THSD4: variants seen among roughly 807,000 people sequenced by gnomAD.
THSD4 encodes thrombospondin type 1 domain containing 4.
Under a neutral mutation model 119.0 loss-of-function variants are expected in THSD4, and 69 were observed. That is an observed-to-expected ratio of 0.58 (90% CI 0.48 to 0.71). The LOEUF is 0.71. THSD4 is among the 30% of genes least tolerant of loss of function. THSD4 has a pLI of 0.00. For missense variants in THSD4, 1,393 were observed against 1,391.1 expected (o/e 1.00, Z -0.02); for synonymous variants, 524 against 540.4 (o/e 0.97, Z 0.42).
At position 71,378,403 on chromosome 15, in the gene THSD4, G is replaced by A. The variant is rs532679839; in HGVS notation, c.1016-33284G>A. Among the ~76,000 whole-genome samples, 3 of 152,290 alleles carry A rather than the reference G, an allele frequency of 2.0e-5. No homozygotes were observed. The South Asian group carries it at 6.2e-4, about 32-fold the overall frequency. Reference sequence around the variant, plus strand: ...ATGGCTAGCCAGCTTCTTTCCAGGTGTGGACCATCAGAATGGGCACTGGTT... The same window carrying A: ...ATGGCTAGCCAGCTTCTTTCCAGGTATGGACCATCAGAATGGGCACTGGTT... On this transcript the variant is annotated intron_variant, in intron 6 of 17. Coordinates refer to ENST00000261862, the MANE Select transcript of THSD4 (RefSeq NM_024817.3).
At chr15:71,261,554 T>C (rs2044400017) in intron 6 of THSD4, among the ~76,000 whole-genome samples, 1 of 152,186 alleles carries the variant, frequency 6.6e-6, no homozygotes, top group African/African-American at 2.4e-5. Context: ...ATGGTCTTGT[T>C]TGGATCCTGT....
chr15:71,512,205 G>A (rs2048293457), intron 7 of THSD4, among the ~76,000 whole-genome samples: 1 of 152,186 alleles, frequency 6.6e-6, no homozygotes, highest in African/African-American at 2.4e-5. Context: ...GGCCTGGGCA[G>A]CAACTTCCAA....
chr15:71,533,723 C>CA (rs1329781098), intron 7 of THSD4, among the ~76,000 whole-genome samples: 1 of 152,122 alleles, frequency 6.6e-6, no homozygotes, highest in African/African-American at 2.4e-5. Context: ...AATTTAATCA[C>CA]AAGGGTCCTT....
At chr15:71,496,167 T>A (rs867036029) in intron 7 of THSD4, among the ~76,000 whole-genome samples, 9 of 152,240 alleles carry the variant, frequency 5.9e-5, no homozygotes, top group South Asian at 2.1e-4. Context: ...TGAACTGAGA[T>A]AATTTAAGGA....
intron 7 of THSD4, among the ~76,000 whole-genome samples, chr15:71,571,165 A>G (rs776998935): frequency 1.3e-5 from 2 of 151,910 alleles, no homozygotes; most frequent in Non-Finnish European, 2.9e-5. Context: ...AGGGATTCAA[A>G]GTGGAAAGCA....
At chr15:71,272,002 C>T in intron 6 of THSD4, among the ~76,000 whole-genome samples, 1 of 152,070 alleles carries the variant, frequency 6.6e-6, no homozygotes, top group East Asian at 1.9e-4. Flanking sequence ...AAAAGACAAC[C>T]CACAGATTGG....
At chr15:71,214,211 C>G (rs1451036702) in intron 3 of THSD4, among the ~76,000 whole-genome samples, 1 of 146,902 alleles carries the variant, frequency 6.8e-6, no homozygotes, top group Non-Finnish European at 1.5e-5. Flanking sequence ...AGGATGTGGG[C>G]GGGGACAAAT....
Position 71,771,118 on chromosome 15 carries a change from G to A in THSD4, c.2824G>A (p.Asp942Asn). Residue 942 changes from aspartate (D) to asparagine (N), a missense_variant, in exon 17 of 18, where the codon GAT becomes AAT. Transcript: ENST00000261862. ...FRVREVRCLS[D>N]DMTLSNLCDP... ...GGTCCGGGAAGTGCGGTGTCTGTCT[G>A]ATGACATGACTCTAAGTAACCTCTG... 1 of 1,614,192 alleles carries A rather than the reference G, an allele frequency of 6.2e-7. No individual in the cohort carries two copies. Among genetic ancestry groups the A allele is most frequent in the Non-Finnish European group, 8.5e-7 (1 of 1,180,032 alleles).
chr15:71,131,456 C>G (rs993535606), intron 1 of THSD4, among the ~76,000 whole-genome samples: 2 of 147,842 alleles, frequency 1.4e-5, no homozygotes, highest in Non-Finnish European at 3.0e-5. Flanking sequence ...TCTCACAGAG[C>G]GAGACTCCAT....
chr15:71,482,963 T>C (rs2047756493), intron 7 of THSD4, among the ~76,000 whole-genome samples: 2 of 152,044 alleles, frequency 1.3e-5, no homozygotes, highest in African/African-American at 4.8e-5. Flanking sequence ...TCAACTTATA[T>C]CTCATTGGCC....
chr15:71,252,424 T>C (rs1205381557), intron 5 of THSD4, among the ~76,000 whole-genome samples: 1 of 152,244 alleles, frequency 6.6e-6, no homozygotes, highest in African/African-American at 2.4e-5. Flanking sequence ...AAAAGAGACA[T>C]GAAACAGGAT....
intron 7 of THSD4, among the ~76,000 whole-genome samples, chr15:71,658,084 A>T (rs778691735): frequency 9.2e-5 from 14 of 152,080 alleles, no homozygotes; most frequent in Admixed American, 5.2e-4. Flanking sequence ...TGGACGGTTC[A>T]TTGTCTCCAC....
intron 3 of THSD4, among the ~76,000 whole-genome samples, chr15:71,181,734 G>T (rs2043531029): frequency 6.6e-6 from 1 of 152,156 alleles, no homozygotes; most frequent in Non-Finnish European, 1.5e-5. Flanking sequence ...TCCTGTGGAG[G>T]AGTCTTGGTC....
chr15:71,275,199 C>G (rs1478484983), intron 6 of THSD4, among the ~76,000 whole-genome samples: 1 of 151,930 alleles, frequency 6.6e-6, no homozygotes, highest in Non-Finnish European at 1.5e-5. Context: ...CACAGCCCAC[C>G]AAGCTGAGAG....
chr15:71,548,966 AG>A (rs1374726733), intron 7 of THSD4, among the ~76,000 whole-genome samples: 4 of 152,234 alleles, frequency 2.6e-5, no homozygotes, highest in Admixed American at 2.0e-4. Flanking sequence ...AGCAAAGGGC[AG>A]GCTTTAGTTA....
intron 7 of THSD4, among the ~76,000 whole-genome samples, chr15:71,427,545 A>C (rs2046888991): frequency 6.7e-6 from 1 of 150,360 alleles, no homozygotes; most frequent in Non-Finnish European, 1.5e-5. Context: ...AGGCAATGTT[A>C]CTGGCCTCCC....
intron 4 of THSD4, 79 bp downstream of exon 4, chr15:71,215,478 C>T: frequency 1.5e-6 from 2 of 1,354,892 alleles, no homozygotes; most frequent in Non-Finnish European, 1.9e-6. Context: ...GCCTCGCACG[C>T]TGCTCTGCAC....
intron 7 of THSD4, among the ~76,000 whole-genome samples, chr15:71,561,580 G>T (rs897130585): frequency 1.3e-5 from 2 of 152,110 alleles, no homozygotes; most frequent in Non-Finnish European, 2.9e-5. Context: ...ACAAACATGG[G>T]ATCCTAGAGA....
chr15:71,248,611 G>A (rs2044227901), intron 5 of THSD4, among the ~76,000 whole-genome samples: 1 of 152,158 alleles, frequency 6.6e-6, no homozygotes, highest in South Asian at 2.1e-4. Context: ...TGGACATGAT[G>A]AGTACTGGTA....
Sources: allele counts gnomAD v4.1 joint callset (sites outside exome capture counted in the v4.1 genomes callset), GRCh38; gene constraint gnomAD v4.1.1; transcripts MANE v1.5; gene names NCBI Gene and HGNC (gene_info 2026-07-23, HGNC 2026-07-21).